The following TADA2A variants were observed in gnomAD, a reference collection of about 807,000 sequenced individuals.
TADA2A encodes the protein transcriptional adaptor 2A, also known as transcriptional adapter 2-alpha.
A neutral mutation model predicts 67.4 loss-of-function variants in TADA2A; 38 were observed. That is an observed-to-expected ratio of 0.56 (90% CI 0.44 to 0.74). TADA2A has a LOEUF of 0.74. TADA2A is among the 30% of genes least tolerant of loss of function. The probability of loss-of-function intolerance (pLI) is 0.00; values close to 1 mark genes in which losing one functional copy is unlikely to be tolerated. For missense variants in TADA2A, 454 were observed against 547.0 expected, an observed-to-expected ratio of 0.83 and a Z score of 1.70; for synonymous variants, 192 against 181.6, an observed-to-expected ratio of 1.06 and a Z score of -0.46.
intron 9 of TADA2A, among the ~76,000 whole-genome samples, chr17:37,459,102 A>G (rs192096136): frequency 1.7e-4 from 26 of 152,288 alleles, no homozygotes; most frequent in African/African-American, 6.0e-4. Context: ...AATTGAGGAT[A>G]GTAATTCCTG....
At chr17:37,416,874 C>T (rs1359362349) in intron 2 of TADA2A, among the ~76,000 whole-genome samples, 2 of 149,546 alleles carry the variant, frequency 1.3e-5, no homozygotes, top group East Asian at 2.0e-4. Flanking sequence ...AACGAGAGTC[C>T]GCCTCAAAAA....
Position 37,440,622 on chromosome 17 carries a change from A to G in TADA2A, c.402A>G (p.Ala134=). 2 of 1,614,224 alleles carry G rather than the reference A, an allele frequency of 1.2e-6. No individual in the cohort carries two copies. Among genetic ancestry groups the G allele is most frequent in the Non-Finnish European group, 1.7e-6 (2 of 1,180,044 alleles). ...FASTLLNLKQ[A]EEAKTADTAI... is the part of the protein sequence containing the mutation. ...CTACCCTGCTGAACCTGAAACAAGC[A>G]GAGGAAGCAAAAACTGCTGACACAG... The change falls in exon 6 of 16, where the codon GCA becomes GCG. Residue 134 remains alanine, a synonymous_variant. Coordinates refer to ENST00000615182, the MANE Select transcript of TADA2A (RefSeq NM_001166105.3).
chr17:37,458,677 G>A, intron 9 of TADA2A, 90 bp downstream of exon 9: 3 of 1,072,786 alleles, frequency 2.8e-6, no homozygotes, highest in Non-Finnish European at 4.0e-6. Flanking sequence ...GTGTGTGTCT[G>A]TGTCTGTGTC....
At chr17:37,454,820 G>A (rs945146444) in intron 8 of TADA2A, 1 of 239,038 alleles carries the variant, frequency 4.2e-6, no homozygotes. Flanking sequence ...TGCTAAGGAA[G>A]CAAAAAAGGC....
At position 37,437,654 on chromosome 17, in the gene TADA2A, T is replaced by G. The variant is rs554811040; in HGVS notation, c.193-84T>G. ...CGCCCGCCTCCGCCTTCCAAAGTGC[T>G]GGGAGTATAGGCGTGAGCCACCGTG... is the stretch of plus-strand genomic sequence containing the variant. On this transcript the variant is annotated intron_variant, in intron 4 of 15. Transcript: ENST00000615182. 436 of 1,235,016 alleles carry G rather than the reference T, an allele frequency of 3.5e-4. 2 individuals carry two copies. The African/African-American group carries it at 5.7e-3, about 16-fold the overall frequency. The allele number at this position is 1,235,016 out of a possible 1,614,324, so 76.5% of individuals were successfully genotyped here.
chr17:37,425,976 AT>A (rs754380239), intron 3 of TADA2A, among the ~76,000 whole-genome samples: 5 of 151,706 alleles, frequency 3.3e-5, no homozygotes, highest in Non-Finnish European at 7.4e-5. Context: ...TTAAAAAAAA[AT>A]AAAGAATTTT....
At chr17:37,438,550 C>A (rs1433933363) in intron 5 of TADA2A, among the ~76,000 whole-genome samples, 1 of 152,164 alleles carries the variant, frequency 6.6e-6, no homozygotes, top group East Asian at 1.9e-4. Context: ...TCCTGACTTA[C>A]TAGTGTATAT....
chr17:37,460,233 AT>A (rs138197449), intron 9 of TADA2A, among the ~76,000 whole-genome samples: 8,817 of 150,058 alleles, frequency 0.059, 812 homozygotes, highest in African/African-American at 0.2. Flanking sequence ...TTTTTATTTT[AT>A]TTTTATTTTT....
intron 8 of TADA2A, among the ~76,000 whole-genome samples, chr17:37,456,731 T>C (rs2053403378): frequency 6.6e-6 from 1 of 152,176 alleles, no homozygotes; most frequent in South Asian, 2.1e-4. Flanking sequence ...ATATCGAGTT[T>C]GAAATTATGC....
chr17:37,437,039 C>G (rs2052747332), intron 4 of TADA2A, among the ~76,000 whole-genome samples: 1 of 151,532 alleles, frequency 6.6e-6, no homozygotes. Flanking sequence ...CATCATTCGG[C>G]TGTAAACTAT....
intron 4 of TADA2A, among the ~76,000 whole-genome samples, chr17:37,427,684 A>G (rs1046137617): frequency 2.6e-5 from 4 of 151,184 alleles, no homozygotes; most frequent in African/African-American, 9.7e-5. Context: ...TACCTTTGTC[A>G]AGATAGTTTT....
chr17:37,451,514 G>A (rs2053232825), intron 8 of TADA2A, among the ~76,000 whole-genome samples: 1 of 150,252 alleles, frequency 6.7e-6, no homozygotes, highest in Non-Finnish European at 1.5e-5. Flanking sequence ...TAGAGACAGG[G>A]TTTCACTATG....
intron 1 of TADA2A, among the ~76,000 whole-genome samples, chr17:37,409,839 AATATT>A (rs1286524867): frequency 6.6e-6 from 1 of 152,004 alleles, no homozygotes; most frequent in African/African-American, 2.4e-5. Flanking sequence ...CTTAGTGTAA[AATATT>A]ATTTTATTTC....
chr17:37,443,216 T>G (rs764435797), intron 7 of TADA2A, among the ~76,000 whole-genome samples: 4 of 151,560 alleles, frequency 2.6e-5, no homozygotes, highest in African/African-American at 4.8e-5. Context: ...CAGTGCTGGC[T>G]TCCACTTCCT....
At chr17:37,414,119 G>T (rs1309894929) in intron 2 of TADA2A, among the ~76,000 whole-genome samples, 2 of 152,110 alleles carry the variant, frequency 1.3e-5, no homozygotes, top group Admixed American at 6.6e-5. Flanking sequence ...TTGCTGCAAA[G>T]GATGTGATCT....
intron 6 of TADA2A, among the ~76,000 whole-genome samples, chr17:37,441,918 G>A (rs943475478): frequency 6.6e-6 from 1 of 152,028 alleles, no homozygotes; most frequent in Non-Finnish European, 1.5e-5. Flanking sequence ...TGCCCGCCTC[G>A]GCCTCCCAAA....
intron 4 of TADA2A, among the ~76,000 whole-genome samples, chr17:37,428,928 C>T (rs1187960075): frequency 6.6e-6 from 1 of 151,610 alleles, no homozygotes; most frequent in Non-Finnish European, 1.5e-5. Context: ...CGCCTGTAGT[C>T]CCAGCTACTC....
chr17:37,439,922 ATTTATTTATTTATTTATTTATTAT>A (rs768966527), intron 5 of TADA2A, among the ~76,000 whole-genome samples: 1 of 97,866 alleles, frequency 1.0e-5, no homozygotes, highest in Non-Finnish European at 1.9e-5. Context: ...TTATTTATTT[ATTTATTTATTTATTTATTTATTAT>A]TTTTTTTTTT....
rs527307008 is a variant in TADA2A at position 37,412,783 on chromosome 17, CAAAAAA to C, written c.25+1401_25+1406del. ...GGGTGACAAGAGCAAGAATCTGTCT[CAAAAAA>C]AAAAAAATTATACTGCTCTTTTTCC... On this transcript the variant is annotated intron_variant, in intron 2 of 15. Transcript: ENST00000615182. 5.7e-3 allele frequency among the ~76,000 whole-genome samples: 832 copies of C among 146,606 alleles called. 5 individuals are homozygous for C. Among genetic ancestry groups the C allele is most frequent in the African/African-American group, 0.018 (714 of 40,074 alleles).
Sources: gnomAD v4.1 joint callset for allele counts (sites outside exome capture counted in the v4.1 genomes callset) on GRCh38, gnomAD v4.1.1 for gene constraint, MANE v1.5 for transcripts, NCBI Gene and HGNC (gene_info 2026-07-23, HGNC 2026-07-21) for gene names.